The following MBD5 variants were observed in gnomAD, a reference collection of about 807,000 sequenced individuals.
MBD5 encodes the protein methyl-CpG-binding domain protein 5.
A neutral mutation model predicts 117.3 loss-of-function variants in MBD5; 13 were observed. The observed-to-expected ratio is 0.11, with a 90% CI of 0.07 to 0.18. The LOEUF is 0.18. Ranked by LOEUF, MBD5 falls within the 10% of genes least tolerant of loss-of-function variation. The pLI, the probability that MBD5 is intolerant of heterozygous loss-of-function variation, is 1.00. For missense variants in MBD5, 1,879 were observed against 2,093.8 expected (o/e 0.90, Z 2.00); for synonymous variants, 727 against 766.4 (o/e 0.95, Z 0.85).
intron 8 of MBD5, among the ~76,000 whole-genome samples, chr2:148,475,763 T>C (rs1680944168): frequency 6.6e-6 from 1 of 152,102 alleles, no homozygotes; most frequent in African/African-American, 2.4e-5. Flanking sequence ...TTCTATGGAG[T>C]AATGTTAATT....
At chr2:148,473,853 T>TCAAATG (rs1235933096) in intron 8 of MBD5, among the ~76,000 whole-genome samples, 1 of 152,210 alleles carries the variant, frequency 6.6e-6, no homozygotes, top group Non-Finnish European at 1.5e-5. Context: ...CACTAAAGCT[T>TCAAATG]CAAAATACTT....
Position 148,165,831 on chromosome 2 carries a change from CTA to C in MBD5, c.-924-12867_-924-12866del, listed in dbSNP as rs1182325548. Among the ~76,000 whole-genome samples the C allele has an allele frequency of 3.3e-5, 5 of 152,202 alleles. No homozygotes were observed. In the East Asian group the frequency reaches 5.8e-4, roughly 18 times the overall value. On this transcript the variant is annotated intron_variant, in intron 1 of 13. Transcript: ENST00000642680. The stretch of plus-strand genomic sequence containing the variant: ...GATTAGTTTTAAGTAGTATTTGAGA[CTA>C]TGTGTGAGAGGCAGTGTTAAGCCTT...
chr2:148,426,436 A>G (rs998094725), intron 4 of MBD5, among the ~76,000 whole-genome samples: 6 of 150,960 alleles, frequency 4.0e-5, no homozygotes, highest in Admixed American at 2.0e-4. Context: ...ACAGCATGGT[A>G]CTGGTACCAA....
intron 3 of MBD5, among the ~76,000 whole-genome samples, chr2:148,246,008 G>A (rs1362493193): frequency 2.0e-5 from 3 of 152,134 alleles, no homozygotes; most frequent in East Asian, 3.9e-4. Context: ...TGAAGTCATA[G>A]GATACATGAG....
chr2:148,450,933 T>G (rs916166184), intron 4 of MBD5, among the ~76,000 whole-genome samples: 5 of 152,194 alleles, frequency 3.3e-5, no homozygotes, highest in Non-Finnish European at 7.3e-5. Flanking sequence ...TGGCTGCTAC[T>G]TTGACTCTGA....
chr2:148,129,843 T>C (rs1467057385), intron 1 of MBD5, among the ~76,000 whole-genome samples: 3 of 152,134 alleles, frequency 2.0e-5, no homozygotes, highest in African/African-American at 7.2e-5. Flanking sequence ...TTATAGAACA[T>C]GGGCCTTTAA....
chr2:148,072,692 C>T (rs1695395681), intron 1 of MBD5, among the ~76,000 whole-genome samples: 1 of 152,044 alleles, frequency 6.6e-6, no homozygotes, highest in Non-Finnish European at 1.5e-5. Flanking sequence ...ATAATGAGAT[C>T]CTTAGTTTCT....
rs967727493 is a variant in MBD5 at position 148,490,177 on chromosome 2, C to T, written c.4545C>T (p.Asn1515=). The T allele has an allele frequency of 6.2e-7, 1 of 1,613,890 alleles. No individual in the cohort carries two copies. The highest frequency in any genetic ancestry group is 8.5e-7 in the Non-Finnish European group (1 of 1,180,016). The change falls in exon 11 of 14, where the codon AAC becomes AAT. Residue 1515 remains asparagine, a synonymous_variant. Coordinates refer to ENST00000642680, the MANE Select transcript of MBD5 (RefSeq NM_001378120.1). ...TMMSFKERLE[N]TVERCAHING... Reference sequence around the variant, plus strand: ...TGAGTTTTAAGGAGAGACTAGAGAACACTGTGGAAAGATGTGCACACATAA... The same window carrying T: ...TGAGTTTTAAGGAGAGACTAGAGAATACTGTGGAAAGATGTGCACACATAA...
intron 4 of MBD5, among the ~76,000 whole-genome samples, chr2:148,365,525 C>T (rs2105331901): frequency 6.6e-6 from 1 of 151,992 alleles, no homozygotes; most frequent in South Asian, 2.1e-4. Context: ...TTCAAAAATT[C>T]AAGGAATTGA....
At chr2:148,147,466 T>C (rs1325522861) in intron 1 of MBD5, among the ~76,000 whole-genome samples, 3 of 151,924 alleles carry the variant, frequency 2.0e-5, no homozygotes, top group Non-Finnish European at 4.4e-5. Context: ...GGTCTCAAAC[T>C]CCTGAGCTCA....
intron 3 of MBD5, among the ~76,000 whole-genome samples, chr2:148,278,265 T>G (rs993107381): frequency 2.6e-5 from 4 of 152,196 alleles, no homozygotes; most frequent in Non-Finnish European, 5.9e-5. Flanking sequence ...GGCACTTATT[T>G]GGGCTTATTT....
At chr2:148,400,391 T>G in intron 4 of MBD5, among the ~76,000 whole-genome samples, 1 of 152,142 alleles carries the variant, frequency 6.6e-6, no homozygotes, top group Non-Finnish European at 1.5e-5. Flanking sequence ...TTTCTCCCAG[T>G]TATTTTCTCC....
chr2:148,154,886 C>T (rs1013415942), intron 1 of MBD5, among the ~76,000 whole-genome samples: 1 of 152,204 alleles, frequency 6.6e-6, no homozygotes, highest in East Asian at 1.9e-4. Context: ...AGAAATCACC[C>T]ATCTTCTGCG....
At chr2:148,271,168 T>G (rs976277084) in intron 3 of MBD5, among the ~76,000 whole-genome samples, 3 of 152,184 alleles carry the variant, frequency 2.0e-5, no homozygotes, top group African/African-American at 7.2e-5. Flanking sequence ...CTAGGTAATT[T>G]TATTTATACT....
chr2:148,086,229 G>A (rs1270512750), intron 1 of MBD5, among the ~76,000 whole-genome samples: 2 of 151,680 alleles, frequency 1.3e-5, no homozygotes, highest in Non-Finnish European at 1.5e-5. Context: ...AAACTTTACT[G>A]GCCCTGAGGA....
intron 1 of MBD5, among the ~76,000 whole-genome samples, chr2:148,143,379 C>A (rs1697364756): frequency 6.6e-6 from 1 of 152,134 alleles, no homozygotes; most frequent in Non-Finnish European, 1.5e-5. Flanking sequence ...AGAGTAGAGA[C>A]AAACGTGGCA....
chr2:148,353,443 T>A (rs1009110929), intron 4 of MBD5, among the ~76,000 whole-genome samples: 10 of 152,112 alleles, frequency 6.6e-5, no homozygotes, highest in African/African-American at 2.4e-4. Context: ...AGTAATTTGC[T>A]TCCACTTGAA....
chr2:148,144,970 T>G (rs1697414419), intron 1 of MBD5, among the ~76,000 whole-genome samples: 1 of 152,210 alleles, frequency 6.6e-6, no homozygotes, highest in Non-Finnish European at 1.5e-5. Flanking sequence ...AGTAGTTTTT[T>G]CCAATTCTGT....
intron 2 of MBD5, among the ~76,000 whole-genome samples, chr2:148,213,982 T>C (rs1361088862): frequency 6.6e-6 from 1 of 152,206 alleles, no homozygotes; most frequent in Non-Finnish European, 1.5e-5. Flanking sequence ...ACTGACTGAG[T>C]GGCTAAGATG....
Sources: gnomAD v4.1 joint callset for allele counts (sites outside exome capture counted in the v4.1 genomes callset) on GRCh38, gnomAD v4.1.1 for gene constraint, MANE v1.5 for transcripts, NCBI Gene and HGNC (gene_info 2026-07-23, HGNC 2026-07-21) for gene names.